The following SMAD2 variants were observed in gnomAD, a reference collection of about 807,000 sequenced individuals.
The protein encoded by SMAD2 is MAD homolog 2.
In SMAD2, 8 loss-of-function variants were observed where a neutral mutation model predicts 64.4. The observed-to-expected ratio is 0.12, with a 90% CI of 0.07 to 0.22. The LOEUF (loss-of-function observed/expected upper bound fraction) is 0.22. Among genes scored for constraint, SMAD2 ranks in the 10% least tolerant of loss-of-function variants. SMAD2 has a pLI of 1.00. For synonymous variants in SMAD2, 203 were observed against 195.8 expected (o/e 1.04, Z -0.31); for missense variants, 289 against 561.2 (o/e 0.51, Z 4.90).
In SMAD2 at chr18:47,835,202, G is replaced by A. The variant is rs1913301739; in HGVS notation, c.*6625C>T. ...GTCAGGGTTGGAAAAGCAAAACTGA[G>A]GTGTGAGGTTACACTGGTCTAAGAA... is the stretch of plus-strand genomic sequence containing the variant. On this transcript the variant is annotated 3_prime_UTR_variant, in exon 11 of 11. Coordinates refer to ENST00000262160, the MANE Select transcript of SMAD2 (RefSeq NM_005901.6). 1 of 220,376 alleles carries A rather than the reference G, an allele frequency of 4.5e-6. No homozygotes were observed. Among genetic ancestry groups the A allele is most frequent in the East Asian group, 6.6e-5 (1 of 15,106 alleles). The allele number at this position is 220,376 out of a possible 1,614,324, so 13.7% of individuals were successfully genotyped here. A position where few individuals can be genotyped will look rare whatever the true frequency, so the allele number is the denominator to read the frequency against.
intron 2 of SMAD2, among the ~76,000 whole-genome samples, chr18:47,879,115 CCTGT>C (rs770545159): frequency 5.3e-5 from 8 of 152,124 alleles, no homozygotes; most frequent in Non-Finnish European, 1.0e-4. Flanking sequence ...AGAGCTAGAC[CCTGT>C]CTCAGAGAGA....
intron 7 of SMAD2, among the ~76,000 whole-genome samples, chr18:47,849,285 T>C (rs569376268): frequency 9.9e-5 from 15 of 152,160 alleles, no homozygotes; most frequent in African/African-American, 2.4e-4. Flanking sequence ...AAACAGACCA[T>C]AGAGTCAAAA....
At chr18:47,865,796 A>T (rs2031511243) in intron 5 of SMAD2, among the ~76,000 whole-genome samples, 1 of 152,216 alleles carries the variant, frequency 6.6e-6, no homozygotes, top group South Asian at 2.1e-4. Flanking sequence ...TAGGATTCTA[A>T]TATATTATTT....
In SMAD2 at chr18:47,913,163, C is replaced by A. The variant is rs577536829; in HGVS notation, c.-53-16354G>T. 1.5e-4 allele frequency among the ~76,000 whole-genome samples: 23 copies of A among 152,276 alleles called. No individual in the cohort carries two copies. In the South Asian group the frequency reaches 4.6e-3, roughly 30 times the overall value. On this transcript the variant is annotated intron_variant, in intron 1 of 10. Transcript: ENST00000262160. ...CTCAAACTCCTGACCTCAGATGATC[C>A]ATCCGCCTCGGCCTCCCAAAGCACA...
intron 2 of SMAD2, among the ~76,000 whole-genome samples, chr18:47,876,718 A>G (rs374190243): frequency 2.3e-4 from 35 of 152,104 alleles, no homozygotes; most frequent in Middle Eastern, 3.2e-3. Context: ...AGTAAAACAC[A>G]TCAAAGATTT....
At chr18:47,905,058 A>C (rs2033847980) in intron 1 of SMAD2, among the ~76,000 whole-genome samples, 1 of 152,194 alleles carries the variant, frequency 6.6e-6, no homozygotes, top group African/African-American at 2.4e-5. Context: ...GAAAGAAATA[A>C]ATAAAACTGA....
chr18:47,831,181 A>G lies in SMAD2; in HGVS notation c.*10646T>C, dbSNP rs1912976472. 1 of 152,246 alleles carries G rather than the reference A, an allele frequency of 6.6e-6. No individual in the cohort carries two copies. Among genetic ancestry groups the G allele is most frequent in the African/African-American group, 2.4e-5 (1 of 41,460 alleles). The allele number at this position is 152,246 out of a possible 1,614,324, so 9.4% of individuals were successfully genotyped here. On this transcript the variant is annotated 3_prime_UTR_variant, in exon 11 of 11. Coordinates refer to ENST00000262160, the MANE Select transcript of SMAD2 (RefSeq NM_005901.6). Reference sequence around the variant, plus strand: ...CCTTGTGATTATATGTGGGCTTCATAGCAGAACCTACCAGGCTTGTGGTTA... The same window carrying G: ...CCTTGTGATTATATGTGGGCTTCATGGCAGAACCTACCAGGCTTGTGGTTA...
At chr18:47,852,969 G>A (rs901254869) in intron 6 of SMAD2, among the ~76,000 whole-genome samples, 1 of 151,988 alleles carries the variant, frequency 6.6e-6, no homozygotes, top group African/African-American at 2.4e-5. Flanking sequence ...TTCTCTACAC[G>A]TTTAGGCACA....
chr18:47,841,258 A>G lies in SMAD2; in HGVS notation c.*569T>C. 4.3e-6 allele frequency: 1 copy of G among 233,584 alleles called. No individual in the cohort carries two copies. 14.5% of individuals were successfully genotyped at this position (233,584 alleles called of 1,614,324 possible). A position where few individuals can be genotyped will look rare whatever the true frequency, so the allele number is the denominator to read the frequency against. ...GTTAATCCACTTTTCTTCCCCCAAGAGTTTATTTTTGGTAAAAGGCAGAAA... is the reference window on the plus strand; with the variant it reads ...GTTAATCCACTTTTCTTCCCCCAAGGGTTTATTTTTGGTAAAAGGCAGAAA... On this transcript the variant is annotated 3_prime_UTR_variant, in exon 11 of 11. Transcript: ENST00000262160.
At chr18:47,879,351 C>A (rs948767986) in intron 2 of SMAD2, among the ~76,000 whole-genome samples, 1 of 152,170 alleles carries the variant, frequency 6.6e-6, no homozygotes, top group African/African-American at 2.4e-5. Flanking sequence ...CGCTCATCCC[C>A]AGAGGCAACC....
chr18:47,906,196 C>T (rs1173108527), intron 1 of SMAD2, among the ~76,000 whole-genome samples: 2 of 151,786 alleles, frequency 1.3e-5, no homozygotes, highest in African/African-American at 2.4e-5. Context: ...ATCTAAAATG[C>T]TCCAAAATCT....
chr18:47,845,587 C>T (rs951429409), intron 9 of SMAD2, 76 bp downstream of exon 9: 2 of 1,580,674 alleles, frequency 1.3e-6, no homozygotes, highest in East Asian at 2.2e-5. Context: ...CAATCATCTA[C>T]TGATTCCTAA....
chr18:47,837,573 A>AC lies in SMAD2; in HGVS notation c.*4253_*4254insG, dbSNP rs201685639. On this transcript the variant is annotated 3_prime_UTR_variant, in exon 11 of 11. Transcript: ENST00000262160. Reference sequence around the variant, plus strand: ...CGAGACTCCCTCTCAAAAAAAAAAAAAAAAAACAAAAAACAAGGCTAACAA... The same window carrying AC: ...CGAGACTCCCTCTCAAAAAAAAAAAACAAAAAACAAAAAACAAGGCTAACAA... 210 of 227,666 alleles carry AC rather than the reference A, an allele frequency of 9.2e-4. No homozygotes were observed. The highest frequency in any genetic ancestry group is 7.5e-3 in the East Asian group (115 of 15,358). The allele number at this position is 227,666 out of a possible 1,614,324, so 14.1% of individuals were successfully genotyped here. A position where few individuals can be genotyped will look rare whatever the true frequency, so the allele number is the denominator to read the frequency against.
At chr18:47,843,321 T>C (rs577121462) in intron 10 of SMAD2, among the ~76,000 whole-genome samples, 1 of 152,236 alleles carries the variant, frequency 6.6e-6, no homozygotes, top group South Asian at 2.1e-4. Context: ...TCCCCAAGGG[T>C]GTCAGTTCTA....
rs551384138 is a variant in SMAD2, at chr18:47,834,025, G to C, written c.*7802C>G. Reference sequence around the variant, plus strand: ...TTACCTTAGCTGGATCACTAAGTGTGAGTCTCACCACCATACTGGTACCTT... The same window carrying C: ...TTACCTTAGCTGGATCACTAAGTGTCAGTCTCACCACCATACTGGTACCTT... On this transcript the variant is annotated 3_prime_UTR_variant, in exon 11 of 11. Coordinates refer to ENST00000262160, the MANE Select transcript of SMAD2 (RefSeq NM_005901.6). 14 of 221,922 alleles carry C rather than the reference G, an allele frequency of 6.3e-5. No homozygotes were observed. In the South Asian group the frequency reaches 2.6e-3, roughly 41 times the overall value. The allele number at this position is 221,922 out of a possible 1,614,324, so 13.7% of individuals were successfully genotyped here.
rs1175192630 is a variant in SMAD2 at position 47,822,682 on chromosome 18, ATTTG to A, written c.*19141_*19144del. 6 of 152,048 alleles carry A rather than the reference ATTTG, an allele frequency of 3.9e-5. No individual in the cohort carries two copies. Among genetic ancestry groups the A allele is most frequent in the Non-Finnish European group, 5.9e-5 (4 of 67,964 alleles). The allele number at this position is 152,048 out of a possible 1,614,324, so 9.4% of individuals were successfully genotyped here. A position where few individuals can be genotyped will look rare whatever the true frequency, so the allele number is the denominator to read the frequency against. ...AATTTGGAAACTATTTTGAGTATTC[ATTTG>A]TTTTTGTTTTTGAGACGGAGTCTCG... On this transcript the variant is annotated 3_prime_UTR_variant, in exon 11 of 11. Coordinates refer to ENST00000262160, the MANE Select transcript of SMAD2 (RefSeq NM_005901.6).
intron 1 of SMAD2, among the ~76,000 whole-genome samples, chr18:47,909,460 G>C (rs144670449): frequency 2.2e-4 from 34 of 152,294 alleles, no homozygotes; most frequent in African/African-American, 6.5e-4. Flanking sequence ...GTATCTGCCT[G>C]AACGGGTTTT....
chr18:47,873,989 AC>A (rs141757691), intron 2 of SMAD2, among the ~76,000 whole-genome samples: 9,131 of 152,238 alleles, frequency 0.06, 757 homozygotes, highest in African/African-American at 0.18. Flanking sequence ...AAAAACATCA[AC>A]AATGTGACTG....
chr18:47,907,094 G>A (rs529636277), intron 1 of SMAD2, among the ~76,000 whole-genome samples: 1 of 152,238 alleles, frequency 6.6e-6, no homozygotes, highest in South Asian at 2.1e-4. Context: ...ATAAACTGCT[G>A]AAATGAAAGT....
Sources: gnomAD v4.1 joint callset for allele counts (sites outside exome capture counted in the v4.1 genomes callset) on GRCh38, gnomAD v4.1.1 for gene constraint, MANE v1.5 for transcripts, NCBI Gene and HGNC (gene_info 2026-07-23, HGNC 2026-07-21) for gene names.